Variants in IGF1 observed in about 807,000 individuals in gnomAD.
IGF1 encodes the protein insulin like growth factor 1.
In IGF1, 4 loss-of-function variants were observed where a neutral mutation model predicts 13.8. That is an observed-to-expected ratio of 0.29 (90% CI 0.14 to 0.66). The LOEUF is 0.66. IGF1 is among the 30% of genes least tolerant of loss of function. IGF1 has a pLI of 0.78. For synonymous variants in IGF1, 76 were observed against 72.6 expected (o/e 1.05, Z -0.23); for missense variants, 124 against 188.5 (o/e 0.66, Z 2.00).
chr12:102,419,529 C>T lies in IGF1; in HGVS notation c.382G>A (p.Asp128Asn), dbSNP rs764732420. ...CTTACCTTCTGGGTCTTGGGCATGT[C>T]GGTGTGGCGCTGGGCACGGACAGAG... ...ARSVRAQRHTDMPKTQKEVHL... is the reference protein window; with the variant it reads ...ARSVRAQRHTNMPKTQKEVHL... The change falls in exon 3 of 4, where the codon GAC becomes AAC. Residue 128 changes from aspartate to asparagine, a missense_variant. By Grantham distance (23) the Asp-to-Asn change is conservative (BLOSUM62 1). This residue lies in a region of IGF1 where 99 missense variants were observed against 171.4 expected (regional missense o/e 0.58). Transcript: ENST00000337514. 11 of 1,613,306 alleles carry T rather than the reference C, an allele frequency of 6.8e-6. No homozygotes were observed. Among genetic ancestry groups the T allele is most frequent in the East Asian group, 2.2e-5 (1 of 44,882 alleles).
At chr12:102,453,824 C>T (rs1483231120) in intron 2 of IGF1, among the ~76,000 whole-genome samples, 1 of 152,196 alleles carries the variant, frequency 6.6e-6, no homozygotes, top group Admixed American at 6.5e-5. Flanking sequence ...ATTCGTTGCA[C>T]TTAGAATCTA....
At chr12:102,433,380 G>A (rs1876918160) in intron 2 of IGF1, among the ~76,000 whole-genome samples, 1 of 152,192 alleles carries the variant, frequency 6.6e-6, no homozygotes, top group Admixed American at 6.5e-5. Context: ...AAAGGAAACT[G>A]CAATGCAGGG....
At chr12:102,424,303 A>G (rs140619447) in intron 2 of IGF1, among the ~76,000 whole-genome samples, 1,974 of 150,852 alleles carry the variant, frequency 0.013, 26 homozygotes, top group Non-Finnish European at 0.022. Context: ...TTTAAGGGCT[A>G]TTTCTAGAAA....
chr12:102,448,488 A>C (rs1042157156), intron 2 of IGF1, among the ~76,000 whole-genome samples: 14 of 136,530 alleles, frequency 1.0e-4, no homozygotes, highest in African/African-American at 3.8e-4. Context: ...GAATTGAACA[A>C]TGAGATCACA....
At chr12:102,417,145 C>G (rs760081394) in intron 3 of IGF1, among the ~76,000 whole-genome samples, 2 of 152,194 alleles carry the variant, frequency 1.3e-5, no homozygotes, top group Non-Finnish European at 2.9e-5. Context: ...AACTACCTAG[C>G]CTATGATACT....
At chr12:102,417,058 G>A (rs1358536395) in intron 3 of IGF1, among the ~76,000 whole-genome samples, 1 of 152,178 alleles carries the variant, frequency 6.6e-6, no homozygotes, top group African/African-American at 2.4e-5. Flanking sequence ...CCTTCTCTAA[G>A]GCCCTTGCAA....
intron 2 of IGF1, among the ~76,000 whole-genome samples, chr12:102,420,627 T>TA (rs1478136252): frequency 6.6e-6 from 1 of 152,116 alleles, no homozygotes; most frequent in Non-Finnish European, 1.5e-5. Context: ...CTCCCTCTCT[T>TA]ACCACCCCAA....
At position 102,446,687 on chromosome 12, in the gene IGF1, GAATTTTTT is replaced by G. The variant is rs374067239; in HGVS notation, c.221-27005_221-26998del. The stretch of plus-strand genomic sequence containing the variant: ...TCAAAAAATGAGCTCCTAGATTCCT[GAATTTTTT>G]GAAGGGTTTCTCATGTCTCTATCTC... On this transcript the variant is annotated intron_variant, in intron 2 of 3. Coordinates refer to ENST00000337514, the MANE Select transcript of IGF1 (RefSeq NM_000618.5). 5.6e-3 allele frequency among the ~76,000 whole-genome samples: 852 copies of G among 152,116 alleles called. 3 individuals carry two copies. The highest frequency in any genetic ancestry group is 0.02 in the African/African-American group (811 of 41,540).
At chr12:102,478,091 T>A (rs896440897) in intron 1 of IGF1, among the ~76,000 whole-genome samples, 1 of 151,670 alleles carries the variant, frequency 6.6e-6, no homozygotes, top group Non-Finnish European at 1.5e-5. Context: ...TTTCCTTTAG[T>A]GTAGGGAACA....
At chr12:102,475,924 G>T (rs964593999) in intron 1 of IGF1, 125 bp from the exon 2 acceptor site, 11 of 986,160 alleles carry the variant, frequency 1.1e-5, no homozygotes, top group Middle Eastern at 2.9e-4. Context: ...ACCCAGCACA[G>T]AAGCCAATAG....
intron 1 of IGF1, among the ~76,000 whole-genome samples, chr12:102,476,746 T>C (rs1310126703): frequency 6.6e-6 from 1 of 152,188 alleles, no homozygotes; most frequent in African/African-American, 2.4e-5. Flanking sequence ...TAGCAAAATA[T>C]ACCAAGGGAC....
chr12:102,427,038 C>T (rs1876267655), intron 2 of IGF1, among the ~76,000 whole-genome samples: 1 of 152,184 alleles, frequency 6.6e-6, no homozygotes, highest in Admixed American at 6.5e-5. Flanking sequence ...GCTCCCTCTC[C>T]TGCCAGCCAT....
At chr12:102,471,183 T>G (rs1318943669) in intron 2 of IGF1, among the ~76,000 whole-genome samples, 2 of 152,182 alleles carry the variant, frequency 1.3e-5, no homozygotes, top group East Asian at 3.9e-4. Flanking sequence ...CAACAGAAAC[T>G]ATGTAAATAA....
At chr12:102,455,983 A>T (rs1879352588) in intron 2 of IGF1, among the ~76,000 whole-genome samples, 1 of 152,226 alleles carries the variant, frequency 6.6e-6, no homozygotes, top group South Asian at 2.1e-4. Context: ...GCGATGGCTT[A>T]TGGCCCTTCC....
chr12:102,480,354 G>C lies in IGF1; in HGVS notation c.28C>G (p.Gln10Glu). The C allele has an allele frequency of 1.2e-6, 2 of 1,613,494 alleles. No individual in the cohort carries two copies. The highest frequency in any genetic ancestry group is 1.7e-6 in the Non-Finnish European group (2 of 1,179,620). MGKISSLPTQLFKCCFCDFL... is the reference protein window; with the variant it reads MGKISSLPTELFKCCFCDFL... ...TCACAAAAGCAGCACTTAAATAATT[G>C]GGTTGGAAGACTGCTGATTTTTCCC... is the stretch of plus-strand genomic sequence containing the variant. The change falls in exon 1 of 4, where the codon CAA becomes GAA. Residue 10 changes from glutamine (Q) to glutamate (E), a missense_variant. Gln to Glu is a conservative substitution (Grantham distance 29). This residue lies in a region of IGF1 where 99 missense variants were observed against 171.4 expected (regional missense o/e 0.58). Coordinates refer to ENST00000337514, the MANE Select transcript of IGF1 (RefSeq NM_000618.5).
rs772338713 is a variant in IGF1 at position 102,396,553 on chromosome 12, A to G, written c.*5954T>C. The G allele has an allele frequency of 1.3e-5, 3 of 237,092 alleles. No individual in the cohort carries two copies. The East Asian group carries it at 2.2e-4, about 18-fold the overall frequency. The allele number at this position is 237,092 out of a possible 1,614,324, so 14.7% of individuals were successfully genotyped here. Reference sequence around the variant, plus strand: ...GGGGTCAATGGGTGGCTTGAAAGGGATTTTAGAGCTCTGTTTTTATTTTTC... The same window carrying G: ...GGGGTCAATGGGTGGCTTGAAAGGGGTTTTAGAGCTCTGTTTTTATTTTTC... On this transcript the variant is annotated 3_prime_UTR_variant, in exon 4 of 4. Transcript: ENST00000337514.
intron 2 of IGF1, chr12:102,423,224 C>T (rs924007196): frequency 3.9e-5 from 5 of 128,790 alleles, no homozygotes; most frequent in African/African-American, 1.5e-4. Context: ...CCAAGATGCT[C>T]TAAACACTTT....
rs1333404990 is a variant in IGF1, at chr12:102,430,727, TC to T, written c.221-11038del. ...TTCATCTTCTCCTCTTCATCTCTCT[TC>T]CTTGCTCTGGGTCAGGAAGACACTC... On this transcript the variant is annotated intron_variant, in intron 2 of 3. Transcript: ENST00000337514. Among the ~76,000 whole-genome samples, 8 of 152,360 alleles carry T rather than the reference TC, an allele frequency of 5.3e-5. No individual in the cohort carries two copies. The East Asian group carries it at 1.3e-3, about 26-fold the overall frequency.
intron 2 of IGF1, among the ~76,000 whole-genome samples, chr12:102,425,991 A>G (rs1451203543): frequency 6.6e-6 from 1 of 152,234 alleles, no homozygotes; most frequent in Non-Finnish European, 1.5e-5. Flanking sequence ...AAAGATAATC[A>G]AATGCCAAGA....
Sources: allele counts gnomAD v4.1 joint callset (sites outside exome capture counted in the v4.1 genomes callset), GRCh38; gene constraint gnomAD v4.1.1; regional missense constraint gnomAD v4.1.1; transcripts MANE v1.5; gene names NCBI Gene and HGNC (gene_info 2026-07-23, HGNC 2026-07-21).